The following FBXW4 variants were observed in gnomAD, a reference collection of about 807,000 sequenced individuals.
FBXW4 encodes the protein F-box and WD repeat domain containing 4.
Under a neutral mutation model 61.8 loss-of-function variants are expected in FBXW4, and 40 were observed. That is an observed-to-expected ratio of 0.65 (90% confidence interval 0.50 to 0.84). The LOEUF (loss-of-function observed/expected upper bound fraction) is 0.84. Among genes scored for constraint, FBXW4 ranks in the 40% least tolerant of loss-of-function variants. The pLI is 0.00. For synonymous variants in FBXW4, 311 were observed against 313.8 expected (o/e 0.99, Z 0.10); for missense variants, 672 against 753.8 (o/e 0.89, Z 1.27).
intron 6 of FBXW4, among the ~76,000 whole-genome samples, chr10:101,619,102 C>T (rs1235638862): frequency 6.6e-6 from 1 of 152,082 alleles, no homozygotes; most frequent in Non-Finnish European, 1.5e-5. Flanking sequence ...ACTCCAGGCT[C>T]GGGCAGGATG....
chr10:101,616,274 C>T (rs2063826122), intron 6 of FBXW4, among the ~76,000 whole-genome samples: 2 of 152,168 alleles, frequency 1.3e-5, no homozygotes, highest in African/African-American at 4.8e-5. Flanking sequence ...AACATGGCTG[C>T]AAAGAGAATG....
At chr10:101,632,648 A>G (rs1032875792) in intron 5 of FBXW4, among the ~76,000 whole-genome samples, 1 of 152,186 alleles carries the variant, frequency 6.6e-6, no homozygotes, top group Non-Finnish European at 1.5e-5. Flanking sequence ...GGAATAACAT[A>G]AGTTCATTCA....
intron 1 of FBXW4, among the ~76,000 whole-genome samples, chr10:101,679,047 A>G (rs1310128106): frequency 6.6e-6 from 1 of 152,222 alleles, no homozygotes; most frequent in African/African-American, 2.4e-5. Flanking sequence ...ACCCCTAGCC[A>G]AGACTCTCCC....
intron 5 of FBXW4, among the ~76,000 whole-genome samples, chr10:101,654,803 A>G (rs1189747983): frequency 6.6e-6 from 1 of 152,136 alleles, no homozygotes. Context: ...AACCCTACTC[A>G]TGGATATTTA....
At chr10:101,653,441 G>A (rs1256454078) in intron 5 of FBXW4, among the ~76,000 whole-genome samples, 1 of 152,102 alleles carries the variant, frequency 6.6e-6, no homozygotes, top group Non-Finnish European at 1.5e-5. Flanking sequence ...CCCCTCCAGC[G>A]AGCCAGACTT....
At chr10:101,626,945 C>T (rs975213880) in intron 5 of FBXW4, 2 of 152,184 alleles carry the variant, frequency 1.3e-5, no homozygotes, top group South Asian at 2.1e-4. Context: ...AAATCCCCTT[C>T]CCAGGGACTC....
At chr10:101,671,969 A>C (rs1250006272) in intron 4 of FBXW4, among the ~76,000 whole-genome samples, 1 of 152,220 alleles carries the variant, frequency 6.6e-6, no homozygotes, top group African/African-American at 2.4e-5. Flanking sequence ...ATAAATTAGC[A>C]ATATTTCTAT....
intron 1 of FBXW4, among the ~76,000 whole-genome samples, chr10:101,677,719 G>A (rs1024081307): frequency 2.0e-5 from 3 of 151,560 alleles, no homozygotes; most frequent in African/African-American, 4.9e-5. Flanking sequence ...CCAGGAATTC[G>A]AGGTTACAGT....
intron 5 of FBXW4, among the ~76,000 whole-genome samples, chr10:101,658,435 C>T (rs1332071759): frequency 6.6e-6 from 1 of 152,188 alleles, no homozygotes; most frequent in African/African-American, 2.4e-5. Flanking sequence ...ATCCCAGCTA[C>T]TCAGGAGGCT....
intron 5 of FBXW4, among the ~76,000 whole-genome samples, chr10:101,663,303 G>A (rs2064263710): frequency 6.6e-6 from 1 of 152,134 alleles, no homozygotes; most frequent in African/African-American, 2.4e-5. Context: ...AAGATCCTTG[G>A]GGAAGCTGAC....
chr10:101,677,639 T>C (rs1032463390), intron 1 of FBXW4, among the ~76,000 whole-genome samples: 1 of 152,086 alleles, frequency 6.6e-6, no homozygotes, highest in Non-Finnish European at 1.5e-5. Flanking sequence ...GGACCAAATG[T>C]GCAGGATGTA....
At chr10:101,642,402 A>T (rs1468781051) in intron 5 of FBXW4, among the ~76,000 whole-genome samples, 5 of 149,016 alleles carry the variant, frequency 3.4e-5, no homozygotes, top group Non-Finnish European at 6.0e-5. Context: ...TTTTTTAATT[A>T]AAAAAAAAAC....
chr10:101,690,515 G>C (rs1307317071), intron 1 of FBXW4, among the ~76,000 whole-genome samples: 2 of 152,076 alleles, frequency 1.3e-5, no homozygotes, highest in Admixed American at 1.3e-4. Flanking sequence ...TCACTGTTCG[G>C]GCAAGAGGCC....
chr10:101,620,587 G>A (rs2063860163), intron 6 of FBXW4, among the ~76,000 whole-genome samples: 1 of 152,220 alleles, frequency 6.6e-6, no homozygotes, highest in African/African-American at 2.4e-5. Flanking sequence ...GGGCAGGGCT[G>A]TTTCTTCTCA....
At chr10:101,680,639 C>T (rs1281983669) in intron 1 of FBXW4, among the ~76,000 whole-genome samples, 1 of 152,176 alleles carries the variant, frequency 6.6e-6, no homozygotes, top group African/African-American at 2.4e-5. Flanking sequence ...TTTTAAAGTA[C>T]ACCTCACATC....
chr10:101,666,457 G>A (rs1408194553), intron 5 of FBXW4, among the ~76,000 whole-genome samples: 1 of 152,174 alleles, frequency 6.6e-6, no homozygotes, highest in Non-Finnish European at 1.5e-5. Context: ...GAAGGGAGTA[G>A]GAGGAGGGGT....
chr10:101,671,093 C>G (rs779302155), intron 4 of FBXW4, among the ~76,000 whole-genome samples: 18 of 152,080 alleles, frequency 1.2e-4, no homozygotes, highest in Non-Finnish European at 2.6e-4. Context: ...TCAGATGCCA[C>G]TGAAAAGAAA....
chr10:101,611,951 A>G lies in FBXW4; in HGVS notation c.1443-182T>C, dbSNP rs565678709. 6.6e-6 allele frequency among the ~76,000 whole-genome samples: 1 copy of G among 152,382 alleles called. No homozygotes were observed. Among genetic ancestry groups the G allele is most frequent in the African/African-American group, 2.4e-5 (1 of 41,588 alleles). On this transcript the variant is annotated intron_variant, in intron 7 of 8. Coordinates refer to ENST00000331272, the MANE Select transcript of FBXW4 (RefSeq NM_022039.4). This position sits in a 1 kb window ranked among gnomAD's most constrained non-coding sequence, Gnocchi z 4.9. ...TCATGGGAGAAAGCATCTTCTGTAG[A>G]GGGCTCTCGCCATGGCCCAGACGAC...
chr10:101,668,794 C>T (rs1285063263), intron 4 of FBXW4, among the ~76,000 whole-genome samples: 1 of 152,174 alleles, frequency 6.6e-6, no homozygotes. Context: ...TCCCCCCTCA[C>T]TTCACCCTAC....
Sources: gnomAD v4.1 joint callset for allele counts (sites outside exome capture counted in the v4.1 genomes callset) on GRCh38, gnomAD v4.1.1 for gene constraint, Gnocchi (gnomAD v3.1) non-coding constraint, MANE v1.5 for transcripts, NCBI Gene and HGNC (gene_info 2026-07-23, HGNC 2026-07-21) for gene names.